PEBP1: variants seen among roughly 807,000 people sequenced by gnomAD.
The protein encoded by PEBP1 is phosphatidylethanolamine-binding protein 1.
PEBP1 carries 17 observed loss-of-function variants against 22.7 expected under a neutral mutation model. The ratio of observed to expected loss-of-function variants is 0.75; its 90% CI spans 0.51 to 1.12. The LOEUF (loss-of-function observed/expected upper bound fraction) is 1.12. Ranked by LOEUF, PEBP1 falls within the 50% of genes most tolerant of loss-of-function variation. PEBP1 has a pLI of 0.00. For missense variants in PEBP1, 205 were observed against 243.5 expected, an observed-to-expected ratio of 0.84 and a Z score of 1.05; for synonymous variants, 106 against 104.3, an observed-to-expected ratio of 1.02 and a Z score of -0.10.
chr12:118,138,655 C>T (rs2034087777), intron 2 of PEBP1, among the ~76,000 whole-genome samples: 1 of 152,122 alleles, frequency 6.6e-6, no homozygotes, highest in South Asian at 2.1e-4. Context: ...CTCAGTCTCC[C>T]AAAGTGCTGG....
chr12:118,139,973 C>A (rs1484301301), intron 3 of PEBP1, among the ~76,000 whole-genome samples: 1 of 152,074 alleles, frequency 6.6e-6, no homozygotes, highest in African/African-American at 2.4e-5. Context: ...TATAAGGTTG[C>A]TTTCTGTATT....
intron 2 of PEBP1, 24 bp downstream of exon 2, chr12:118,138,172 G>A (rs1285537671): frequency 6.7e-7 from 1 of 1,488,520 alleles, no homozygotes; most frequent in Non-Finnish European, 9.4e-7. Flanking sequence ...AAGACGAGAA[G>A]AGCAGGTCAT....
At chr12:118,143,654 C>A (rs1411669114) in intron 3 of PEBP1, among the ~76,000 whole-genome samples, 1 of 152,122 alleles carries the variant, frequency 6.6e-6, no homozygotes, top group Non-Finnish European at 1.5e-5. Flanking sequence ...AATCCCAGCA[C>A]TTTGGGAGGG....
At chr12:118,141,894 G>C (rs1382890643) in intron 3 of PEBP1, among the ~76,000 whole-genome samples, 1 of 152,120 alleles carries the variant, frequency 6.6e-6, no homozygotes, top group Non-Finnish European at 1.5e-5. Flanking sequence ...AGTTTGTTTA[G>C]CCATTCTCTA....
intron 3 of PEBP1, among the ~76,000 whole-genome samples, chr12:118,141,178 G>A (rs141054291): frequency 0.014 from 2,159 of 151,530 alleles, 14 homozygotes; most frequent in Middle Eastern, 0.051. Context: ...GTGCAATGGC[G>A]TGATCTCGGC....
chr12:118,144,851 TC>T lies in PEBP1; in HGVS notation c.*52del, dbSNP rs771941690. The T allele has an allele frequency of 7.4e-6, 12 of 1,611,870 alleles. No individual in the cohort carries two copies. The East Asian group carries it at 2.7e-4, about 36-fold the overall frequency. Reference sequence around the variant, plus strand: ...CTGTCCTGGAGGCCCCAAGCCATGTTCCCCAGTTCAGTGTTGCATGTATAAT... The same window carrying T: ...CTGTCCTGGAGGCCCCAAGCCATGTTCCCAGTTCAGTGTTGCATGTATAAT... On this transcript the variant is annotated 3_prime_UTR_variant, in exon 4 of 4. Transcript: ENST00000261313.
chr12:118,138,370 G>C (rs2034085543), intron 2 of PEBP1, among the ~76,000 whole-genome samples: 1 of 152,062 alleles, frequency 6.6e-6, no homozygotes, highest in Non-Finnish European at 1.5e-5. Flanking sequence ...AGCCCCATGA[G>C]CTAAGAATGG....
Position 118,145,000 on chromosome 12 carries a change from T to TC in PEBP1, c.*197_*198insC. 6.6e-7 allele frequency: 1 copy of TC among 1,513,696 alleles called. No homozygotes were observed. The allele number at this position is 1,513,696 out of a possible 1,614,324, so 93.8% of individuals were successfully genotyped here. On this transcript the variant is annotated 3_prime_UTR_variant, in exon 4 of 4. Coordinates refer to ENST00000261313, the MANE Select transcript of PEBP1 (RefSeq NM_002567.4). ...TTACTCACTCACTCTGATTTATGTT[T>TC]TGATCAAATTTGAACTTCATTTTGG... is the stretch of plus-strand genomic sequence containing the variant.
chr12:118,142,812 G>A (rs79796421), intron 3 of PEBP1, among the ~76,000 whole-genome samples: 5,216 of 137,364 alleles, frequency 0.038, 236 homozygotes, highest in East Asian at 0.23. Context: ...CTACAGTAGC[G>A]TTAACTACAT....
At chr12:118,141,991 GTAT>G (rs910933840) in intron 3 of PEBP1, among the ~76,000 whole-genome samples, 2 of 151,948 alleles carry the variant, frequency 1.3e-5, no homozygotes, top group Non-Finnish European at 2.9e-5. Context: ...AAACTTCTGT[GTAT>G]TATTCTAGGA....
Position 118,138,297 on chromosome 12 carries a change from C to T in PEBP1, c.245+149C>T, listed in dbSNP as rs969838581. 4 of 637,368 alleles carry T rather than the reference C, an allele frequency of 6.3e-6. No homozygotes were observed. The East Asian group carries it at 1.1e-4, about 17-fold the overall frequency. The allele number at this position is 637,368 out of a possible 1,614,324, so 39.5% of individuals were successfully genotyped here. A position where few individuals can be genotyped will look rare whatever the true frequency, so the allele number is the denominator to read the frequency against. On this transcript the variant is annotated intron_variant, in intron 2 of 3. Coordinates refer to ENST00000261313, the MANE Select transcript of PEBP1 (RefSeq NM_002567.4). ...AGTGCCTTTCCTGCCCTTTTGCCCCCCTACAGCAGGTGTCTGTAACTCACA... is the reference window on the plus strand; with the variant it reads ...AGTGCCTTTCCTGCCCTTTTGCCCCTCTACAGCAGGTGTCTGTAACTCACA...
In PEBP1 at chr12:118,136,365, G is replaced by A. The variant is rs761884202; in HGVS notation, c.135+21G>A. ...CCCAGGTACACCGGGCGGCGGGCGT[G>A]CAGCGAGCGGCACGGCGCGGAGGCC... On this transcript the variant is annotated intron_variant, in intron 1 of 3. Transcript: ENST00000261313. This position sits in a 1 kb window ranked among gnomAD's most constrained non-coding sequence, Gnocchi z 5.6. 59 of 1,533,262 alleles carry A rather than the reference G, an allele frequency of 3.8e-5. No homozygotes were observed. Among genetic ancestry groups the A allele is most frequent in the Non-Finnish European group, 4.9e-5 (56 of 1,143,978 alleles). 95.0% of individuals were successfully genotyped at this position (1,533,262 alleles called of 1,614,324 possible).
intron 3 of PEBP1, among the ~76,000 whole-genome samples, chr12:118,142,264 C>T (rs1205010466): frequency 1.3e-5 from 2 of 149,830 alleles, no homozygotes; most frequent in Non-Finnish European, 3.0e-5. Context: ...GTGATCGCGG[C>T]TCACTGCAAC....
Position 118,138,144 on chromosome 12 carries a change from T to A in PEBP1, c.241T>A (p.Tyr81Asn). 1 of 1,602,280 alleles carries A rather than the reference T, an allele frequency of 6.2e-7. No homozygotes were observed. Among genetic ancestry groups the A allele is most frequent in the South Asian group, 1.1e-5 (1 of 90,612 alleles). The change falls in exon 2 of 4, where the codon TAC (tyrosine) becomes AAC (asparagine). Residue 81 changes from tyrosine to asparagine, a missense_variant. By Grantham distance (143) the Tyr-to-Asn change is moderately radical (BLOSUM62 -2). Transcript: ENST00000261313. ...TGCTCCCAGCAGGAAGGATCCCAAATACAGGTGAGAGGTGAGAAAGACGAG... is the reference window on the plus strand; with the variant it reads ...TGCTCCCAGCAGGAAGGATCCCAAAAACAGGTGAGAGGTGAGAAAGACGAG... ...PDAPSRKDPK[Y>N]REWHHFLVVN... is the part of the protein sequence containing the mutation.
intron 3 of PEBP1, among the ~76,000 whole-genome samples, chr12:118,140,778 T>G (rs1363431562): frequency 6.6e-6 from 1 of 152,138 alleles, no homozygotes; most frequent in Non-Finnish European, 1.5e-5. Context: ...GACCTTGTGA[T>G]CTACCTGCCT....
chr12:118,140,572 C>G (rs944163916), intron 3 of PEBP1, among the ~76,000 whole-genome samples: 2 of 151,002 alleles, frequency 1.3e-5, no homozygotes, highest in Non-Finnish European at 2.9e-5. Flanking sequence ...TGGAGTCTTG[C>G]TCTGTCTCCC....
At chr12:118,138,252 C>G (rs2034084099) in intron 2 of PEBP1, 104 bp downstream of exon 2, 13 of 773,610 alleles carry the variant, frequency 1.7e-5, no homozygotes, top group South Asian at 1.5e-4. Flanking sequence ...GGGATGCCCC[C>G]ACCCATGCTT....
At position 118,138,142 on chromosome 12, in the gene PEBP1, A is replaced by G. The variant is rs761559245; in HGVS notation, c.239A>G (p.Lys80Arg). The stretch of plus-strand genomic sequence containing the variant: ...GATGCTCCCAGCAGGAAGGATCCCA[A>G]ATACAGGTGAGAGGTGAGAAAGACG... ...DPDAPSRKDPKYREWHHFLVV... is the reference protein window; with the variant it reads ...DPDAPSRKDPRYREWHHFLVV... Residue 80 changes from lysine to arginine, a missense_variant, in exon 2 of 4, where the codon AAA (lysine) becomes AGA (arginine). Coordinates refer to ENST00000261313, the MANE Select transcript of PEBP1 (RefSeq NM_002567.4). The G allele has an allele frequency of 5.6e-6, 9 of 1,603,696 alleles. No homozygotes were observed. The Admixed American group carries it at 1.2e-4, about 21-fold the overall frequency.
chr12:118,136,458 T>A lies in PEBP1; in HGVS notation c.135+114T>A. On this transcript the variant is annotated intron_variant, in intron 1 of 3. Coordinates refer to ENST00000261313, the MANE Select transcript of PEBP1 (RefSeq NM_002567.4). The surrounding 1 kb of genome is among the most constrained non-coding windows in gnomAD (Gnocchi z 5.6). ...GGGCGGTGGGGAGGTTCAGCCTGCGTGTGTCGAGGCCCCCCCAGGCCAGAG... is the reference window on the plus strand; with the variant it reads ...GGGCGGTGGGGAGGTTCAGCCTGCGAGTGTCGAGGCCCCCCCAGGCCAGAG... 2 of 1,265,642 alleles carry A rather than the reference T, an allele frequency of 1.6e-6. No homozygotes were observed. The highest frequency in any genetic ancestry group is 2.1e-6 in the Non-Finnish European group (2 of 947,336). The allele number at this position is 1,265,642 out of a possible 1,614,324, so 78.4% of individuals were successfully genotyped here.
Sources: gnomAD v4.1 joint callset for allele counts (sites outside exome capture counted in the v4.1 genomes callset) on GRCh38, gnomAD v4.1.1 for gene constraint, Gnocchi (gnomAD v3.1) non-coding constraint, MANE v1.5 for transcripts, NCBI Gene and HGNC (gene_info 2026-07-23, HGNC 2026-07-21) for gene names.